The following SPPL2B variants were observed in gnomAD, a reference collection of about 807,000 sequenced individuals.
SPPL2B encodes signal peptide peptidase like 2B.
A neutral mutation model predicts 59.7 loss-of-function variants in SPPL2B; 39 were observed. That is an observed-to-expected ratio of 0.65 (90% CI 0.51 to 0.85). The LOEUF (loss-of-function observed/expected upper bound fraction) is 0.85. Ranked by LOEUF, SPPL2B falls within the 40% of genes least tolerant of loss-of-function variation. The pLI is 0.00. For missense variants in SPPL2B, 865 were observed against 849.0 expected (o/e 1.02, Z -0.23); for synonymous variants, 419 against 370.8 (o/e 1.13, Z -1.49).
intron 4 of SPPL2B, 105 bp downstream of exon 4, chr19:2,338,946 T>C: frequency 1.3e-6 from 2 of 1,488,008 alleles, no homozygotes; most frequent in Non-Finnish European, 9.1e-7. Context: ...ATCAGGGTGG[T>C]GGGTGAGGCG....
At position 2,353,018 on chromosome 19, in the gene SPPL2B, C is replaced by G; in HGVS notation, c.1588C>G (p.Pro530Ala). ...GCAGCCTCCCAAAGACTCTGCCACGCCACTCTCCCCGCAGCCGCCCAGCGA... is the reference window on the plus strand; with the variant it reads ...GCAGCCTCCCAAAGACTCTGCCACGGCACTCTCCCCGCAGCCGCCCAGCGA... ...GPQPPKDSAT[P>A]LSPQPPSEEP... The change falls in exon 15 of 15, where the codon CCA becomes GCA. Residue 530 changes from proline to alanine, a missense_variant. Transcript: ENST00000613503. 1 of 1,612,152 alleles carries G rather than the reference C, an allele frequency of 6.2e-7. No homozygotes were observed. The highest frequency in any genetic ancestry group is 1.1e-5 in the South Asian group (1 of 91,062).
chr19:2,351,664 T>C, intron 14 of SPPL2B, 70 bp downstream of exon 14: 3 of 1,542,430 alleles, frequency 1.9e-6, no homozygotes, highest in Non-Finnish European at 2.6e-6. Context: ...TAAAGTTGAG[T>C]GAGACCTCCA....
intron 1 of SPPL2B, among the ~76,000 whole-genome samples, chr19:2,333,909 T>A (rs1968417960): frequency 6.6e-6 from 1 of 152,242 alleles, no homozygotes; most frequent in Admixed American, 6.5e-5. Flanking sequence ...ACGCTGTCTG[T>A]CCTGCTGGTG....
chr19:2,343,030 A>T, intron 8 of SPPL2B, 181 bp from the exon 9 acceptor site: 1 of 604,136 alleles, frequency 1.7e-6, no homozygotes, highest in Non-Finnish European at 3.0e-6. Context: ...GCCCTGCTGG[A>T]GTTGTAACAG....
Position 2,329,538 on chromosome 19 carries a change from CCTCT to C in SPPL2B, c.66+767_66+770del, listed in dbSNP as rs746002929. On this transcript the variant is annotated intron_variant, in intron 1 of 14. Transcript: ENST00000613503. ...TTTATTTTCTTAATTCCAAATCTTC[CCTCT>C]CTCCTGAGTTCGGTGGCTCAGGCAA... Among the ~76,000 whole-genome samples, 9 of 152,272 alleles carry C rather than the reference CCTCT, an allele frequency of 5.9e-5. No homozygotes were observed. The East Asian group carries it at 1.7e-3, about 29-fold the overall frequency.
At position 2,332,315 on chromosome 19, in the gene SPPL2B, G is replaced by C. The variant is rs937794058; in HGVS notation, c.67-2287G>C. On this transcript the variant is annotated intron_variant, in intron 1 of 14. Transcript: ENST00000613503. This position sits in a 1 kb window ranked among gnomAD's most constrained non-coding sequence, Gnocchi z 4.6. ...GACTTTGCATGATTTCAGTGATGAG[G>C]GCCCGGCTGTTGGAGAGCCCGTCTG... is the stretch of plus-strand genomic sequence containing the variant. Among the ~76,000 whole-genome samples the C allele has an allele frequency of 6.6e-6, 1 of 152,208 alleles. No individual in the cohort carries two copies. Among genetic ancestry groups the C allele is most frequent in the Non-Finnish European group, 1.5e-5 (1 of 68,038 alleles).
intron 12 of SPPL2B, among the ~76,000 whole-genome samples, chr19:2,344,979 G>A (rs927982837): frequency 6.6e-6 from 1 of 152,134 alleles, no homozygotes; most frequent in African/African-American, 2.4e-5. Context: ...GCTGCAGAAG[G>A]CAGAGACTGT....
intron 13 of SPPL2B, among the ~76,000 whole-genome samples, chr19:2,346,581 C>T (rs746927804): frequency 3.9e-5 from 6 of 152,258 alleles, no homozygotes; most frequent in South Asian, 2.1e-4. Flanking sequence ...GTGGGAGGAT[C>T]GCTTGAGCCT....
In SPPL2B at chr19:2,354,870, A is replaced by G. The variant is rs540012970; in HGVS notation, c.*1661A>G. The stretch of plus-strand genomic sequence containing the variant: ...CTGCTCTGTGCAGGTCCCGGTGAGC[A>G]GAACTGAGAGCTGGCAGGCCGCCTG... On this transcript the variant is annotated 3_prime_UTR_variant, in exon 15 of 15. Transcript: ENST00000613503. 4 of 152,372 alleles carry G rather than the reference A, an allele frequency of 2.6e-5. No homozygotes were observed. The highest frequency in any genetic ancestry group is 5.9e-5 in the Non-Finnish European group (4 of 68,068). 9.4% of individuals were successfully genotyped at this position (152,372 alleles called of 1,614,324 possible).
At chr19:2,344,496 G>C in intron 11 of SPPL2B, 57 bp from the exon 12 acceptor site, 1 of 1,570,002 alleles carries the variant, frequency 6.4e-7, no homozygotes, top group Non-Finnish European at 8.7e-7. Context: ...AGGGCTCGAG[G>C]CATCCCGCGG....
chr19:2,348,813 T>C (rs4807237), intron 13 of SPPL2B, among the ~76,000 whole-genome samples: 75,553 of 96,214 alleles, frequency 0.79, 27,598 homozygotes, highest in Non-Finnish European at 0.81. Context: ...CACACACTCG[T>C]GTTCTCATTC....
chr19:2,337,913 G>T (rs1483957714), intron 3 of SPPL2B: 1 of 380,684 alleles, frequency 2.6e-6, no homozygotes, highest in Non-Finnish European at 4.8e-6. Context: ...GGGTGACGGA[G>T]ACCACACTCT....
intron 13 of SPPL2B, among the ~76,000 whole-genome samples, chr19:2,350,644 A>C (rs1313145444): frequency 2.6e-5 from 4 of 152,288 alleles, no homozygotes; most frequent in African/African-American, 7.2e-5. Context: ...TCTGTACTGA[A>C]CACATGCAGA....
chr19:2,345,382 C>T (rs753055177), intron 13 of SPPL2B, 52 bp downstream of exon 13: 387 of 1,504,922 alleles, frequency 2.6e-4, no homozygotes, highest in Middle Eastern at 5.1e-4. Flanking sequence ...AGCCCCACCC[C>T]GACTTAGCCT....
At chr19:2,341,893 TC>T in intron 8 of SPPL2B, 1 of 271,996 alleles carries the variant, frequency 3.7e-6, no homozygotes, top group Non-Finnish European at 7.4e-6. Context: ...GCCCAGGAGT[TC>T]AAGACCAGCC....
At position 2,341,137 on chromosome 19, in the gene SPPL2B, C is replaced by T. The variant is rs777527211; in HGVS notation, c.956+123C>T. The T allele has an allele frequency of 4.4e-5, 33 of 747,548 alleles. 1 individual carries two copies. The highest frequency in any genetic ancestry group is 4.5e-4 in the Middle Eastern group (2 of 4,482). The allele number at this position is 747,548 out of a possible 1,614,324, so 46.3% of individuals were successfully genotyped here. A position where few individuals can be genotyped will look rare whatever the true frequency, so the allele number is the denominator to read the frequency against. On this transcript the variant is annotated intron_variant, in intron 8 of 14. Transcript: ENST00000613503. ...CCAGCCTGGAGCTGCTTCAGCACCG[C>T]GTGATGAAGAGCCCTGGCCCCGGGC... is the stretch of plus-strand genomic sequence containing the variant.
intron 2 of SPPL2B, among the ~76,000 whole-genome samples, chr19:2,336,760 C>T (rs542627846): frequency 1.0e-4 from 15 of 145,714 alleles, no homozygotes; most frequent in Middle Eastern, 3.9e-3. Flanking sequence ...TATGTGTGCA[C>T]GTGTGTGTGC....
At chr19:2,340,423 A>T in intron 7 of SPPL2B, 1 of 634,948 alleles carries the variant, frequency 1.6e-6, no homozygotes. Flanking sequence ...ACCCTGCCCC[A>T]GGTCGCAGGC....
chr19:2,339,957 G>A lies in SPPL2B; in HGVS notation c.733G>A (p.Asp245Asn), dbSNP rs775584103. Reference protein sequence around the residue: ...SMLVLLYYFYDLLVYVVIGIF... With the variant: ...SMLVLLYYFYNLLVYVVIGIF... ...GCTGGTGCTGCTCTACTATTTCTAC[G>A]ATCTCCTCGGTGCGCGGCCCCGGGC... Residue 245 changes from aspartate (D) to asparagine (N), a missense_variant, in exon 6 of 15, where the codon GAT (aspartate) becomes AAT (asparagine). Transcript: ENST00000613503. The A allele has an allele frequency of 9.7e-6, 15 of 1,554,186 alleles. No homozygotes were observed. The highest frequency in any genetic ancestry group is 1.7e-4 in the Middle Eastern group (1 of 6,014).
Sources: gnomAD v4.1 joint callset for allele counts (sites outside exome capture counted in the v4.1 genomes callset) on GRCh38, gnomAD v4.1.1 for gene constraint, Gnocchi (gnomAD v3.1) non-coding constraint, MANE v1.5 for transcripts, NCBI Gene and HGNC (gene_info 2026-07-23, HGNC 2026-07-21) for gene names.